WDR49: variants seen among roughly 807,000 people sequenced by gnomAD.
WDR49 encodes the protein WD repeat domain 49, also known as cilia- and flagella-associated protein 337.
In WDR49, 107 loss-of-function variants were observed where a neutral mutation model predicts 119.5. The ratio of observed to expected loss-of-function variants is 0.90; its 90% CI spans 0.77 to 1.05. The LOEUF is 1.05. Among genes scored for constraint, WDR49 ranks in the 50% least tolerant of loss-of-function variants. WDR49 has a pLI of 0.00. For missense variants in WDR49, 1,240 were observed against 1,220.5 expected (o/e 1.02, Z -0.24); for synonymous variants, 425 against 418.8 (o/e 1.01, Z -0.18).
At chr3:167,642,477 T>G (rs1287111253) in intron 2 of WDR49, among the ~76,000 whole-genome samples, 1 of 151,780 alleles carries the variant, frequency 6.6e-6, no homozygotes, top group Non-Finnish European at 1.5e-5. Context: ...AAATATGGAG[T>G]GACGGAGGGG....
At chr3:167,642,072 C>G in intron 2 of WDR49, among the ~76,000 whole-genome samples, 1 of 151,856 alleles carries the variant, frequency 6.6e-6, no homozygotes, top group East Asian at 1.9e-4. Flanking sequence ...GTAAAATTTT[C>G]CTAAGTATGC....
chr3:167,566,218 C>T (rs1713588167), intron 8 of WDR49, among the ~76,000 whole-genome samples: 1 of 152,032 alleles, frequency 6.6e-6, no homozygotes, highest in Non-Finnish European at 1.5e-5. Context: ...ATTCTCTGCC[C>T]CAATAATTCT....
chr3:167,598,600 C>T (rs1315541393), intron 7 of WDR49, among the ~76,000 whole-genome samples: 1 of 152,200 alleles, frequency 6.6e-6, no homozygotes, highest in Non-Finnish European at 1.5e-5. Context: ...TCCCCTTCAC[C>T]TTCCACCATG....
chr3:167,515,907 T>C (rs1752179607), intron 16 of WDR49, among the ~76,000 whole-genome samples: 2 of 152,062 alleles, frequency 1.3e-5, no homozygotes, highest in African/African-American at 2.4e-5. Flanking sequence ...ATAAAATATC[T>C]AGGAATACAG....
chr3:167,642,476 G>A (rs1717926616), intron 2 of WDR49, among the ~76,000 whole-genome samples: 1 of 152,020 alleles, frequency 6.6e-6, no homozygotes, highest in African/African-American at 2.4e-5. Flanking sequence ...CAAATATGGA[G>A]TGACGGAGGG....
intron 3 of WDR49, among the ~76,000 whole-genome samples, chr3:167,625,331 G>A (rs1053478845): frequency 6.6e-6 from 1 of 151,772 alleles, no homozygotes; most frequent in African/African-American, 2.4e-5. Context: ...TTTGGTATGG[G>A]ATAACAACTC....
At chr3:167,500,119 G>T (rs1353579782) in intron 18 of WDR49, 34 bp downstream of exon 18, 1 of 1,512,654 alleles carries the variant, frequency 6.6e-7, no homozygotes, top group African/African-American at 1.4e-5. Context: ...TCCTGAAGAG[G>T]GATAATAGAG....
upstream of WDR49, among the ~76,000 whole-genome samples, chr3:167,655,325 G>T (rs1366184762): frequency 6.6e-6 from 1 of 152,162 alleles, no homozygotes; most frequent in Non-Finnish European, 1.5e-5. Flanking sequence ...GTGAGATTTG[G>T]GTGGGGACAC....
chr3:167,572,232 A>C (rs1170730070), intron 8 of WDR49, among the ~76,000 whole-genome samples: 1 of 152,224 alleles, frequency 6.6e-6, no homozygotes, highest in Non-Finnish European at 1.5e-5. Flanking sequence ...AAACTTTGCC[A>C]GGTGAAATAA....
chr3:167,508,892 T>A (rs1451333378), intron 16 of WDR49, among the ~76,000 whole-genome samples: 1 of 152,220 alleles, frequency 6.6e-6, no homozygotes, highest in Non-Finnish European at 1.5e-5. Context: ...TATTTATCTA[T>A]TTTCTAATTT....
Position 167,627,148 on chromosome 3 carries a change from C to T in WDR49, c.310G>A (p.Asp104Asn). 2.4e-6 allele frequency: 3 copies of T among 1,263,092 alleles called. No homozygotes were observed. The highest frequency in any genetic ancestry group is 3.0e-6 in the Non-Finnish European group (3 of 1,004,698). 78.2% of individuals were successfully genotyped at this position (1,263,092 alleles called of 1,614,324 possible). ...AGCAGTATAAATGAAGTCAGCTTGT[C>T]CCAATTAATGAAGCCATCTTGGGCC... is the stretch of plus-strand genomic sequence containing the variant. Reference protein sequence around the residue: ...DVAQDGFINWDKLTSFILLEL... With the variant: ...DVAQDGFINWNKLTSFILLEL... The change falls in exon 3 of 19, where the codon GAC becomes AAC. Residue 104 changes from aspartate (D) to asparagine (N), a missense_variant. Transcript: ENST00000682715.
intron 11 of WDR49, 94 bp from the exon 12 acceptor site, chr3:167,533,071 T>G: frequency 3.5e-5 from 27 of 764,736 alleles, no homozygotes; most frequent in Non-Finnish European, 4.6e-5. Flanking sequence ...GCAACATATC[T>G]TCCACAGAAT....
At chr3:167,482,827 T>C (rs1474499554) in intron 18 of WDR49, among the ~76,000 whole-genome samples, 1 of 152,164 alleles carries the variant, frequency 6.6e-6, no homozygotes, top group African/African-American at 2.4e-5. Flanking sequence ...AAAGTCCATG[T>C]GCCTGACAAT....
At chr3:167,635,863 C>A (rs1202634094) in intron 2 of WDR49, among the ~76,000 whole-genome samples, 1 of 151,704 alleles carries the variant, frequency 6.6e-6, no homozygotes, top group African/African-American at 2.4e-5. Context: ...CCATATAAAA[C>A]AGCACCAGTT....
chr3:167,570,690 A>C (rs1713883751), intron 8 of WDR49, among the ~76,000 whole-genome samples: 1 of 152,160 alleles, frequency 6.6e-6, no homozygotes. Context: ...TTTAGTGTTT[A>C]CCTTTGGTAT....
intron 8 of WDR49, among the ~76,000 whole-genome samples, chr3:167,571,630 A>G (rs1224328667): frequency 1.3e-5 from 2 of 152,188 alleles, no homozygotes; most frequent in Non-Finnish European, 2.9e-5. Flanking sequence ...GCCTCAAGGA[A>G]ATATATTCTA....
At position 167,591,655 on chromosome 3, in the gene WDR49, G is replaced by T. The variant is rs376232237; in HGVS notation, c.1275+10472C>A. Among the ~76,000 whole-genome samples the T allele has an allele frequency of 4.6e-5, 7 of 152,096 alleles. No individual in the cohort carries two copies. In the East Asian group the frequency reaches 1.3e-3, roughly 29 times the overall value. On this transcript the variant is annotated intron_variant, in intron 7 of 18. Transcript: ENST00000682715. ...ACTAATTCATTTATCATTATATAAT[G>T]ATTTCTTTGTCCCTTATAGGTTTGG...
chr3:167,494,970 G>A (rs1751294426), intron 18 of WDR49, among the ~76,000 whole-genome samples: 1 of 152,170 alleles, frequency 6.6e-6, no homozygotes, highest in African/African-American at 2.4e-5. Flanking sequence ...CCCGGCTCAA[G>A]TACTAATTAG....
At chr3:167,549,545 A>AT (rs1157106409) in intron 10 of WDR49, among the ~76,000 whole-genome samples, 13 of 151,046 alleles carry the variant, frequency 8.6e-5, no homozygotes, top group African/African-American at 2.2e-4. Flanking sequence ...GGGTTATTTG[A>AT]TTTTTTCTTG....
Sources: allele counts gnomAD v4.1 joint callset (sites outside exome capture counted in the v4.1 genomes callset), GRCh38; gene constraint gnomAD v4.1.1; transcripts MANE v1.5; gene names NCBI Gene and HGNC (gene_info 2026-07-23, HGNC 2026-07-21).